Variants in KRIT1 observed in about 807,000 individuals in gnomAD.
KRIT1 encodes KRIT1 ankyrin repeat containing.
In KRIT1, 45 loss-of-function variants were observed where a neutral mutation model predicts 95.8. The ratio of observed to expected loss-of-function variants is 0.47; its 90% CI spans 0.37 to 0.60. The LOEUF (loss-of-function observed/expected upper bound fraction) is 0.60, where lower values mean the gene tolerates loss of function less well. Among genes scored for constraint, KRIT1 ranks in the 20% least tolerant of loss-of-function variants. The pLI, the probability that KRIT1 is intolerant of heterozygous loss-of-function variation, is 0.00. For synonymous variants in KRIT1, 282 were observed against 278.8 expected, an observed-to-expected ratio of 1.01 and a Z score of -0.11; for missense variants, 788 against 877.5, an observed-to-expected ratio of 0.90 and a Z score of 1.29.
intron 17 of KRIT1, among the ~76,000 whole-genome samples, chr7:92,209,368 G>C (rs373644597): frequency 1.3e-5 from 2 of 152,078 alleles, no homozygotes; most frequent in African/African-American, 2.4e-5. Flanking sequence ...AGAGCATCAG[G>C]TAAGAGAAAG....
At chr7:92,217,696 C>G (rs901119093) in intron 14 of KRIT1, among the ~76,000 whole-genome samples, 1 of 152,096 alleles carries the variant, frequency 6.6e-6, no homozygotes, top group East Asian at 1.9e-4. Context: ...TGCCTCTACC[C>G]TTTTGGTTAT....
intron 10 of KRIT1, 58 bp downstream of exon 10, chr7:92,234,391 A>C (rs2131640744): frequency 2.3e-6 from 3 of 1,300,558 alleles, no homozygotes; most frequent in Non-Finnish European, 3.3e-6. Flanking sequence ...AGAAGGACTA[A>C]CATTTATAAT....
chr7:92,227,345 A>T (rs912737024), intron 10 of KRIT1, among the ~76,000 whole-genome samples: 2 of 152,192 alleles, frequency 1.3e-5, no homozygotes, highest in Non-Finnish European at 2.9e-5. Context: ...CAGGCGGATC[A>T]CAAGGTCAGG....
rs1018532029 is a variant in KRIT1, at chr7:92,200,196, T to C, written c.*540A>G. ...ATTTTGTCTAATATTATACAGACTA[T>C]CAATCTATAACTTTTTGTGTTTCTC... On this transcript the variant is annotated 3_prime_UTR_variant, in exon 19 of 19. Coordinates refer to ENST00000394505, the MANE Select transcript of KRIT1 (RefSeq NM_194454.3). 1 of 155,614 alleles carries C rather than the reference T, an allele frequency of 6.4e-6. No individual in the cohort carries two copies. The highest frequency in any genetic ancestry group is 1.4e-5 in the Non-Finnish European group (1 of 69,968). 9.6% of individuals were successfully genotyped at this position (155,614 alleles called of 1,614,324 possible).
chr7:92,199,205 T>C (rs1789717646), downstream of KRIT1: 1 of 152,216 alleles, frequency 6.6e-6, no homozygotes, highest in South Asian at 2.1e-4. Flanking sequence ...CTGAAAAGGG[T>C]ATTGTTCATG....
In KRIT1 at chr7:92,225,804, T is replaced by A; in HGVS notation, c.1170A>T (p.Arg390Ser). The A allele has an allele frequency of 6.2e-7, 1 of 1,606,406 alleles. No individual in the cohort carries two copies. The highest frequency in any genetic ancestry group is 8.5e-7 in the Non-Finnish European group (1 of 1,173,160). The stretch of plus-strand genomic sequence containing the variant: ...TTTCTTCACAAATATTTAATGGAGA[T>A]CTTCCTTGTTGGTCTGTTATATGCT... ...TDRHITDQQG[R>S]SPLNICEENK... Residue 390 changes from arginine (R) to serine (S), a missense_variant, in exon 12 of 19, where the codon AGA becomes AGT. Arg to Ser is a moderately radical substitution (Grantham distance 110). Coordinates refer to ENST00000394505, the MANE Select transcript of KRIT1 (RefSeq NM_194454.3).
chr7:92,210,551 TA>T (rs1212999014), intron 17 of KRIT1, among the ~76,000 whole-genome samples: 1 of 152,136 alleles, frequency 6.6e-6, no homozygotes, highest in African/African-American at 2.4e-5. Context: ...ATAAAAAACC[TA>T]AATGTAAGAC....
At chr7:92,238,797 T>C (rs1798965922) in intron 5 of KRIT1, among the ~76,000 whole-genome samples, 1 of 152,184 alleles carries the variant, frequency 6.6e-6, no homozygotes, top group South Asian at 2.1e-4. Context: ...TAGTCCTAAT[T>C]CCTCTACCAA....
downstream of KRIT1, chr7:92,199,164 G>C (rs1287406860): frequency 6.6e-6 from 1 of 152,186 alleles, no homozygotes; most frequent in Non-Finnish European, 1.5e-5. Flanking sequence ...AGGGTATTTG[G>C]TAACAGTTGA....
chr7:92,235,067 T>G, intron 8 of KRIT1, 144 bp from the exon 9 acceptor site: 1 of 653,544 alleles, frequency 1.5e-6, no homozygotes, highest in Non-Finnish European at 2.7e-6. Context: ...TGCTGCGATC[T>G]CAGCACACTG....
chr7:92,227,303 A>C (rs369143150), intron 10 of KRIT1, among the ~76,000 whole-genome samples: 2 of 152,154 alleles, frequency 1.3e-5, no homozygotes, highest in African/African-American at 2.4e-5. Flanking sequence ...AGTGACTCAC[A>C]CCTATAATCC....
intron 8 of KRIT1, 108 bp downstream of exon 8, chr7:92,235,295 A>C: frequency 8.9e-7 from 1 of 1,127,082 alleles, no homozygotes; most frequent in Non-Finnish European, 1.3e-6. Context: ...CCACTGTACC[A>C]GGCCTTCATG....
intron 17 of KRIT1, chr7:92,204,034 A>C (rs1413942021): frequency 6.6e-6 from 1 of 152,218 alleles, no homozygotes; most frequent in Non-Finnish European, 1.5e-5. Flanking sequence ...ATAAGGTCTC[A>C]CTTTGTTGCC....
chr7:92,209,079 G>C (rs2131243478), intron 17 of KRIT1, among the ~76,000 whole-genome samples: 1 of 151,844 alleles, frequency 6.6e-6, no homozygotes, highest in South Asian at 2.1e-4. Context: ...ATAGAATGAA[G>C]GACAAAAACC....
In KRIT1 at chr7:92,221,892, C is replaced by A; in HGVS notation, c.1563+10G>T. On this transcript the variant is annotated intron_variant, in intron 14 of 18. Coordinates refer to ENST00000394505, the MANE Select transcript of KRIT1 (RefSeq NM_194454.3). ...ATTTAAATAACTGTAAATAAGATTT[C>A]CAAGCAAACCTGTTTTTCAACTTCC... is the stretch of plus-strand genomic sequence containing the variant. The A allele has an allele frequency of 6.2e-7, 1 of 1,611,330 alleles. No homozygotes were observed. The highest frequency in any genetic ancestry group is 1.1e-5 in the South Asian group (1 of 90,984).
At chr7:92,233,024 G>A (rs955082513) in intron 10 of KRIT1, among the ~76,000 whole-genome samples, 2 of 152,002 alleles carry the variant, frequency 1.3e-5, no homozygotes, top group East Asian at 1.9e-4. Flanking sequence ...TGTTTTTGCC[G>A]CCAGTATTTT....
At position 92,235,560 on chromosome 7, in the gene KRIT1, A is replaced by T. The variant is rs1293261828; in HGVS notation, c.572T>A (p.Ile191Lys). ...SPLERIKTNVINPAYATESGQ... is the reference protein window; with the variant it reads ...SPLERIKTNVKNPAYATESGQ... Reference sequence around the variant, plus strand: ...TGATTCAGTAGCATATGCAGGATTTATGACATTAGTTTTTATCCGCTCAAG... The same window carrying T: ...TGATTCAGTAGCATATGCAGGATTTTTGACATTAGTTTTTATCCGCTCAAG... The change falls in exon 8 of 19, where the codon ATA becomes AAA. Residue 191 changes from isoleucine (I) to lysine (K), a missense_variant. Coordinates refer to ENST00000394505, the MANE Select transcript of KRIT1 (RefSeq NM_194454.3). 1 of 1,613,986 alleles carries T rather than the reference A, an allele frequency of 6.2e-7. No homozygotes were observed. Among genetic ancestry groups the T allele is most frequent in the East Asian group, 2.2e-5 (1 of 44,832 alleles).
intron 2 of KRIT1, among the ~76,000 whole-genome samples, chr7:92,244,565 C>T (rs1418391085): frequency 6.6e-6 from 1 of 152,088 alleles, no homozygotes; most frequent in Non-Finnish European, 1.5e-5. Flanking sequence ...TACATTCTTC[C>T]AGTGACATGA....
intron 17 of KRIT1, chr7:92,202,349 T>C (rs1467634916): frequency 6.6e-6 from 1 of 152,196 alleles, no homozygotes; most frequent in African/African-American, 2.4e-5. Context: ...ACAGAACTAT[T>C]TATAAAGCAG....
Sources: allele counts gnomAD v4.1 joint callset (sites outside exome capture counted in the v4.1 genomes callset), GRCh38; gene constraint gnomAD v4.1.1; transcripts MANE v1.5; gene names NCBI Gene and HGNC (gene_info 2026-07-23, HGNC 2026-07-21).